TRAF5: variants seen among roughly 807,000 people sequenced by gnomAD.
TRAF5 encodes the protein TNF receptor associated factor 5.
TRAF5 carries 48 observed loss-of-function variants against 64.5 expected under a neutral mutation model. The observed-to-expected ratio is 0.74, with a 90% CI of 0.59 to 0.95. The LOEUF is 0.95. Ranked by LOEUF, TRAF5 falls within the 40% of genes least tolerant of loss-of-function variation. TRAF5 has a pLI of 0.00. For synonymous variants in TRAF5, 206 were observed against 240.5 expected, an observed-to-expected ratio of 0.86 and a Z score of 1.33; for missense variants, 545 against 662.8, an observed-to-expected ratio of 0.82 and a Z score of 1.95.
chr1:211,329,759 A>G (rs1702109359), intron 1 of TRAF5, among the ~76,000 whole-genome samples: 1 of 152,158 alleles, frequency 6.6e-6, no homozygotes, highest in Non-Finnish European at 1.5e-5. Context: ...GATTCTGGAT[A>G]GGAGTTCTAG....
In TRAF5 at chr1:211,356,358, A is replaced by G; in HGVS notation, c.277-9A>G. On this transcript the variant is annotated splice_polypyrimidine_tract_variant and intron_variant, in intron 3 of 10. Transcript: ENST00000261464. Reference sequence around the variant, plus strand: ...GAAGTGTGTGAGACCTATTATGTTTATCTTTTAGGTTTTTAAAGACAATTG... The same window carrying G: ...GAAGTGTGTGAGACCTATTATGTTTGTCTTTTAGGTTTTTAAAGACAATTG... The G allele has an allele frequency of 6.2e-7, 1 of 1,609,428 alleles. No individual in the cohort carries two copies. Among genetic ancestry groups the G allele is most frequent in the Non-Finnish European group, 8.5e-7 (1 of 1,175,920 alleles).
chr1:211,364,434 C>A (rs545110670), intron 7 of TRAF5, among the ~76,000 whole-genome samples: 3 of 152,276 alleles, frequency 2.0e-5, no homozygotes, highest in African/African-American at 4.8e-5. Flanking sequence ...TGCCTGTAAT[C>A]CCAGCACTTT....
At chr1:211,345,964 G>C (rs1169833988) in intron 1 of TRAF5, among the ~76,000 whole-genome samples, 1 of 152,254 alleles carries the variant, frequency 6.6e-6, no homozygotes, top group Admixed American at 6.5e-5. Context: ...TCATGCTGCA[G>C]AGCTAAGCAG....
chr1:211,344,852 C>G (rs549545405), intron 1 of TRAF5, among the ~76,000 whole-genome samples: 1 of 152,258 alleles, frequency 6.6e-6, no homozygotes, highest in Admixed American at 6.5e-5. Flanking sequence ...CTCCCAGGCC[C>G]AAGCGATCCT....
chr1:211,328,641 G>A (rs1028654212), intron 1 of TRAF5, among the ~76,000 whole-genome samples: 1 of 152,222 alleles, frequency 6.6e-6, no homozygotes. Context: ...CACAGTCGGG[G>A]AGCTAGATGC....
chr1:211,333,786 C>G (rs922517684), intron 1 of TRAF5, among the ~76,000 whole-genome samples: 6 of 152,168 alleles, frequency 3.9e-5, no homozygotes, highest in African/African-American at 1.4e-4. Flanking sequence ...TATAAGCCAC[C>G]GTACCCGGCC....
intron 1 of TRAF5, among the ~76,000 whole-genome samples, chr1:211,353,001 G>T (rs201789265): frequency 6.6e-6 from 1 of 152,254 alleles, no homozygotes; most frequent in South Asian, 2.1e-4. Context: ...ACTGAATCTC[G>T]TAGAATCTTG....
Sources: allele counts gnomAD v4.1 joint callset (sites outside exome capture counted in the v4.1 genomes callset), GRCh38; gene constraint gnomAD v4.1.1; transcripts MANE v1.5; gene names NCBI Gene and HGNC (gene_info 2026-07-23, HGNC 2026-07-21).